MFN2: variants seen among roughly 807,000 people sequenced by gnomAD.
The protein encoded by MFN2 is mitofusin 2.
In MFN2, 43 loss-of-function variants were observed where a neutral mutation model predicts 87.5. The observed-to-expected ratio is 0.49, with a 90% CI of 0.38 to 0.63. MFN2 has a LOEUF of 0.63. Ranked by LOEUF, MFN2 falls within the 30% of genes least tolerant of loss-of-function variation. The pLI is 0.00. For missense variants in MFN2, 743 were observed against 972.8 expected (o/e 0.76, Z 3.14); for synonymous variants, 337 against 359.9 (o/e 0.94, Z 0.72).
At chr1:11,992,095 G>A (rs1431420016) in intron 3 of MFN2, among the ~76,000 whole-genome samples, 1 of 152,148 alleles carries the variant, frequency 6.6e-6, no homozygotes, top group Non-Finnish European at 1.5e-5. Flanking sequence ...GAAAGGAACA[G>A]TGCCTGGCAT....
At chr1:11,985,494 CTT>C (rs1553140092) in intron 2 of MFN2, among the ~76,000 whole-genome samples, 2 of 119,778 alleles carry the variant, frequency 1.7e-5, no homozygotes, top group Non-Finnish European at 3.3e-5. Flanking sequence ...AAGAGAGAGA[CTT>C]CGCTCTGTCA....
At chr1:11,994,091 C>A (rs1638810682) in intron 4 of MFN2, among the ~76,000 whole-genome samples, 1 of 152,210 alleles carries the variant, frequency 6.6e-6, no homozygotes, top group Non-Finnish European at 1.5e-5. Flanking sequence ...CATGGGGTAT[C>A]TGTTTCTACC....
In MFN2 at chr1:12,013,167, A is replaced by C; in HGVS notation, c.*1602A>C. The C allele has an allele frequency of 2.8e-6, 1 of 351,116 alleles. No individual in the cohort carries two copies. The highest frequency in any genetic ancestry group is 5.6e-6 in the Non-Finnish European group (1 of 178,716). The allele number at this position is 351,116 out of a possible 1,614,324, so 21.8% of individuals were successfully genotyped here. ...ATGTCAGGGAAAATCACTGTCACACAATTCCAATGGATTTTGTGCTCTTTT... is the reference window on the plus strand; with the variant it reads ...ATGTCAGGGAAAATCACTGTCACACCATTCCAATGGATTTTGTGCTCTTTT... On this transcript the variant is annotated 3_prime_UTR_variant, in exon 19 of 19. Transcript: ENST00000235329.
Position 12,007,163 on chromosome 1 carries a change from C to G in MFN2, c.1983C>G (p.Phe661Leu). Residue 661 changes from phenylalanine to leucine, a missense_variant, in exon 17 of 19, where the codon TTC (phenylalanine) becomes TTG (leucine). Around this residue, in one of 3 missense-constraint regions of MFN2, gnomAD observed 571 missense variants for 670.7 expected, o/e 0.85. Coordinates refer to ENST00000235329, the MANE Select transcript of MFN2 (RefSeq NM_014874.4). ...TWTTKAKERA[F>L]KRQFVEHASE... Reference sequence around the variant, plus strand: ...CCACCAAGGCCAAGGAGAGGGCCTTCAAGCGCCAGTTTGTGGAGCATGCCA... The same window carrying G: ...CCACCAAGGCCAAGGAGAGGGCCTTGAAGCGCCAGTTTGTGGAGCATGCCA... 1 of 1,614,218 alleles carries G rather than the reference C, an allele frequency of 6.2e-7. No homozygotes were observed. Among genetic ancestry groups the G allele is most frequent in the Non-Finnish European group, 8.5e-7 (1 of 1,180,042 alleles).
At chr1:11,994,545 G>A (rs570671595) in intron 4 of MFN2, among the ~76,000 whole-genome samples, 35 of 151,892 alleles carry the variant, frequency 2.3e-4, no homozygotes, top group African/African-American at 7.0e-4. Context: ...AGTCAAGATC[G>A]CGCCACTGCA....
In MFN2 at chr1:12,004,198, G is replaced by C; in HGVS notation, c.1287+80G>C. The C allele has an allele frequency of 6.4e-7, 1 of 1,573,938 alleles. No homozygotes were observed. The highest frequency in any genetic ancestry group is 1.7e-5 in the Admixed American group (1 of 57,566). ...GAAGAAAGCAGACCTCCTCCTCTTA[G>C]GGACTTCTCAGCCTTTCAGAAGAAA... is the stretch of plus-strand genomic sequence containing the variant. On this transcript the variant is annotated intron_variant, in intron 12 of 18. Coordinates refer to ENST00000235329, the MANE Select transcript of MFN2 (RefSeq NM_014874.4). This position sits in a 1 kb window ranked among gnomAD's most constrained non-coding sequence, Gnocchi z 4.2.
Position 12,002,215 on chromosome 1 carries a change from C to G in MFN2, c.1160+112C>G, listed in dbSNP as rs1639209939. ...GATGGCAGGGCTGAGTCTCTGGGCT[C>G]CCATCCAGAGCCCTTTCCCTGGCCA... On this transcript the variant is annotated intron_variant, in intron 11 of 18. Transcript: ENST00000235329. The G allele has an allele frequency of 1.9e-6, 3 of 1,550,838 alleles. No individual in the cohort carries two copies. In the African/African-American group the frequency reaches 4.1e-5, roughly 21 times the overall value.
intron 2 of MFN2, among the ~76,000 whole-genome samples, chr1:11,988,676 C>G (rs1487439401): frequency 6.6e-6 from 1 of 152,050 alleles, no homozygotes; most frequent in East Asian, 1.9e-4. Flanking sequence ...GCTAGGACTG[C>G]AGATGCATGC....
Position 12,004,853 on chromosome 1 carries a change from T to C in MFN2, c.1421T>C (p.Leu474Pro). Residue 474 changes from leucine (L) to proline (P), a missense_variant, in exon 14 of 19, where the codon CTG (leucine) becomes CCG (proline). Leu to Pro is a moderately conservative substitution (Grantham distance 98). This residue lies in a region of MFN2 where 571 missense variants were observed against 670.7 expected (regional missense o/e 0.85). Coordinates refer to ENST00000235329, the MANE Select transcript of MFN2 (RefSeq NM_014874.4). The surrounding 1 kb of genome is among the most constrained non-coding windows in gnomAD (Gnocchi z 4.2). ...CTGCACCGCCACATAGAGGAAGGAC[T>C]GGGTCGAAACATGTCTGACCGCTGC... is the stretch of plus-strand genomic sequence containing the variant. Reference protein sequence around the residue: ...NELHRHIEEGLGRNMSDRCST... With the variant: ...NELHRHIEEGPGRNMSDRCST... The C allele has an allele frequency of 6.2e-7, 1 of 1,614,054 alleles. No individual in the cohort carries two copies. The highest frequency in any genetic ancestry group is 8.5e-7 in the Non-Finnish European group (1 of 1,179,952).
chr1:12,008,603 T>C (rs58653539), intron 17 of MFN2, among the ~76,000 whole-genome samples: 103,010 of 147,138 alleles, frequency 0.7, 36,003 homozygotes, highest in African/African-American at 0.8. Context: ...CCTCACCTCC[T>C]AGACGGGGTT....
intron 18 of MFN2, among the ~76,000 whole-genome samples, chr1:12,011,162 T>C (rs1452334529): frequency 6.6e-6 from 1 of 152,194 alleles, no homozygotes; most frequent in East Asian, 1.9e-4. Flanking sequence ...GGAAAGGGTC[T>C]CCTGTCAGCA....
Position 12,001,572 on chromosome 1 carries a change from T to C in MFN2, c.970+18T>C, listed in dbSNP as rs1429105831. On this transcript the variant is annotated intron_variant, in intron 9 of 18. Transcript: ENST00000235329. The stretch of plus-strand genomic sequence containing the variant: ...TGAAGGAGGTAATGATGAGAACAGA[T>C]GTCCTCCTTTTCTCTGATGTTTGAG... 3.7e-6 allele frequency: 6 copies of C among 1,614,152 alleles called. No homozygotes were observed. The highest frequency in any genetic ancestry group is 3.4e-6 in the Non-Finnish European group (4 of 1,180,008).
At chr1:11,998,915 C>G in intron 7 of MFN2, 37 bp downstream of exon 7, 1 of 1,611,034 alleles carries the variant, frequency 6.2e-7, no homozygotes, top group Non-Finnish European at 8.5e-7. Context: ...GCTCCCAGCA[C>G]CCCCTGGGCA....
chr1:12,010,294 A>C (rs1639636064), intron 18 of MFN2, among the ~76,000 whole-genome samples: 1 of 152,244 alleles, frequency 6.6e-6, no homozygotes, highest in Non-Finnish European at 1.5e-5. Context: ...GCGAGACTGC[A>C]GTTCACAGCG....
Position 11,998,754 on chromosome 1 carries a change from C to A in MFN2, c.600-16C>A. Reference sequence around the variant, plus strand: ...CTGCTCTGCCTGATGATTTGGTTTACCCCTGTCACCTTTAGCCCTGGTATT... The same window carrying A: ...CTGCTCTGCCTGATGATTTGGTTTAACCCTGTCACCTTTAGCCCTGGTATT... On this transcript the variant is annotated splice_polypyrimidine_tract_variant and intron_variant, in intron 6 of 18. Transcript: ENST00000235329. The A allele has an allele frequency of 1.2e-6, 2 of 1,611,826 alleles. No homozygotes were observed.
chr1:11,998,470 C>A (rs1055657346), intron 6 of MFN2, among the ~76,000 whole-genome samples: 1 of 152,034 alleles, frequency 6.6e-6, no homozygotes, highest in Non-Finnish European at 1.5e-5. Context: ...ATCGCTTGAA[C>A]CTGGGAGGCG....
rs978333889 is a variant in MFN2 at position 11,992,006 on chromosome 1, C to G, written c.176-549C>G. Among the ~76,000 whole-genome samples, 3 of 141,546 alleles carry G rather than the reference C, an allele frequency of 2.1e-5. No homozygotes were observed. In the Admixed American group the frequency reaches 2.1e-4, roughly 10 times the overall value. The allele number at this position is 141,546 out of a possible 152,430, so 92.9% of individuals were successfully genotyped here. On this transcript the variant is annotated intron_variant, in intron 3 of 18. Transcript: ENST00000235329. Reference sequence around the variant, plus strand: ...GACTCCAGAGCCAGGCTGCCTAATTCAAATCATAGCTCTGCCTTTTACTAA... The same window carrying G: ...GACTCCAGAGCCAGGCTGCCTAATTGAAATCATAGCTCTGCCTTTTACTAA...
At chr1:11,993,738 A>G (rs1414148897) in intron 4 of MFN2, among the ~76,000 whole-genome samples, 13 of 151,408 alleles carry the variant, frequency 8.6e-5, no homozygotes, top group African/African-American at 3.1e-4. Context: ...CATCTCAAAA[A>G]AAAAAAAAAA....
At chr1:12,008,546 A>G (rs1639537873) in intron 17 of MFN2, among the ~76,000 whole-genome samples, 1 of 150,200 alleles carries the variant, frequency 6.7e-6, no homozygotes, top group Non-Finnish European at 1.5e-5. Flanking sequence ...TGCCTGGCGG[A>G]GGGGCTCCTC....
Sources: allele counts gnomAD v4.1 joint callset (sites outside exome capture counted in the v4.1 genomes callset), GRCh38; gene constraint gnomAD v4.1.1; regional missense constraint gnomAD v4.1.1; non-coding constraint Gnocchi (gnomAD v3.1); transcripts MANE v1.5; gene names NCBI Gene and HGNC (gene_info 2026-07-23, HGNC 2026-07-21).